FRY: variants seen among roughly 807,000 people sequenced by gnomAD.
FRY encodes FRY microtubule binding protein, also known as protein furry homolog.
A neutral mutation model predicts 348.4 loss-of-function variants in FRY; 128 were observed. The observed-to-expected ratio is 0.37, with a 90% confidence interval of 0.32 to 0.43. The LOEUF (loss-of-function observed/expected upper bound fraction) is 0.43. Ranked by LOEUF, FRY falls within the 20% of genes least tolerant of loss-of-function variation. FRY has a pLI of 1.00. For synonymous variants in FRY, 1,370 were observed against 1,374.7 expected (o/e 1.00, Z 0.08); for missense variants, 2,736 against 3,695.2 (o/e 0.74, Z 6.73).
At chr13:32,257,167 A>G (rs557600200) in intron 51 of FRY, among the ~76,000 whole-genome samples, 1 of 152,340 alleles carries the variant, frequency 6.6e-6, no homozygotes, top group South Asian at 2.1e-4. Flanking sequence ...TGAATAAGGC[A>G]TACTCAACCT....
intron 1 of FRY, among the ~76,000 whole-genome samples, chr13:32,049,378 T>C (rs547420720): frequency 2.0e-5 from 3 of 152,220 alleles, no homozygotes; most frequent in Non-Finnish European, 2.9e-5. Context: ...ACAGGGAGCA[T>C]GGAAGGATCT....
rs1209023511 is a variant in FRY, at chr13:32,298,862, C to A, written c.*3402C>A. ...CGTTCAGAGAGGACAGCCAAAAGCTCTGTGGGCCACGGCAGGACTTTGTCC... is the reference window on the plus strand; with the variant it reads ...CGTTCAGAGAGGACAGCCAAAAGCTATGTGGGCCACGGCAGGACTTTGTCC... On this transcript the variant is annotated 3_prime_UTR_variant, in exon 61 of 61. Coordinates refer to ENST00000542859, the MANE Select transcript of FRY (RefSeq NM_023037.3). 6.6e-6 allele frequency: 1 copy of A among 152,266 alleles called. No individual in the cohort carries two copies. Among genetic ancestry groups the A allele is most frequent in the Non-Finnish European group, 1.5e-5 (1 of 68,058 alleles). 9.4% of individuals were successfully genotyped at this position (152,266 alleles called of 1,614,324 possible). A position where few individuals can be genotyped will look rare whatever the true frequency, so the allele number is the denominator to read the frequency against.
intron 29 of FRY, among the ~76,000 whole-genome samples, chr13:32,196,277 C>T (rs1039496983): frequency 3.3e-5 from 5 of 152,114 alleles, no homozygotes; most frequent in African/African-American, 1.2e-4. Flanking sequence ...ATAATGATCT[C>T]CTCCTTTTCA....
chr13:32,078,810 A>G, intron 1 of FRY, 24 bp from the exon 2 acceptor site: 1 of 1,571,532 alleles, frequency 6.4e-7, no homozygotes, highest in Non-Finnish European at 8.8e-7. Context: ...ATCAGCCAGT[A>G]AGAATGCCCA....
At chr13:32,136,384 G>A (rs577718827) in intron 10 of FRY, among the ~76,000 whole-genome samples, 3 of 152,208 alleles carry the variant, frequency 2.0e-5, no homozygotes, top group East Asian at 3.9e-4. Context: ...CTTCTTTTAG[G>A]AATCTTCCTT....
At chr13:32,188,428 C>A (rs1575522) in intron 28 of FRY, among the ~76,000 whole-genome samples, 1 of 151,836 alleles carries the variant, frequency 6.6e-6, no homozygotes, top group South Asian at 2.1e-4. Flanking sequence ...CCTAATGATT[C>A]CCCATCAAAA....
At chr13:32,150,924 T>G (rs1004950230) in intron 14 of FRY, among the ~76,000 whole-genome samples, 4 of 152,218 alleles carry the variant, frequency 2.6e-5, no homozygotes, top group Admixed American at 6.5e-5. Context: ...AATGGGAGTT[T>G]CTGTCTGGTG....
At chr13:32,043,894 C>G (rs1872878008) in intron 1 of FRY, among the ~76,000 whole-genome samples, 1 of 152,106 alleles carries the variant, frequency 6.6e-6, no homozygotes. Context: ...ATCACTTGAG[C>G]CCCTTAAGAT....
intron 17 of FRY, among the ~76,000 whole-genome samples, chr13:32,164,663 T>C (rs908701438): frequency 2.6e-5 from 4 of 152,212 alleles, no homozygotes; most frequent in African/African-American, 9.6e-5. Flanking sequence ...CCATGGAAGC[T>C]TCACAGGCCC....
intron 3 of FRY, among the ~76,000 whole-genome samples, chr13:32,106,940 T>C (rs1232204191): frequency 6.6e-6 from 1 of 152,250 alleles, no homozygotes; most frequent in Non-Finnish European, 1.5e-5. Flanking sequence ...TGAACTTAAA[T>C]ATACATATAT....
chr13:32,170,877 C>A, intron 17 of FRY, 135 bp from the exon 18 acceptor site: 1 of 720,014 alleles, frequency 1.4e-6, no homozygotes. Flanking sequence ...AAGTCATTTA[C>A]TAAGCAAAAA....
chr13:32,216,731 C>A (rs960483962), intron 35 of FRY, among the ~76,000 whole-genome samples: 1 of 152,152 alleles, frequency 6.6e-6, no homozygotes, highest in Non-Finnish European at 1.5e-5. Context: ...ATAAGTTTGT[C>A]CTTTTTCCAG....
At chr13:32,054,603 G>C (rs1240306210) in intron 1 of FRY, among the ~76,000 whole-genome samples, 2 of 152,160 alleles carry the variant, frequency 1.3e-5, no homozygotes, top group Non-Finnish European at 2.9e-5. Flanking sequence ...GCTGGGCGCA[G>C]TGACTCACAC....
intron 16 of FRY, among the ~76,000 whole-genome samples, chr13:32,157,949 A>G (rs905910630): frequency 2.0e-5 from 3 of 152,228 alleles, no homozygotes; most frequent in Non-Finnish European, 2.9e-5. Context: ...ACTAGGATTA[A>G]GTTATAATTC....
chr13:32,246,558 G>C (rs1218208120), intron 47 of FRY, among the ~76,000 whole-genome samples: 1 of 152,246 alleles, frequency 6.6e-6, no homozygotes, highest in African/African-American at 2.4e-5. Context: ...CATGCTCAAA[G>C]AGTGTGGACT....
chr13:32,190,221 C>G (rs1318340115), intron 28 of FRY, among the ~76,000 whole-genome samples: 1 of 151,292 alleles, frequency 6.6e-6, no homozygotes, highest in Non-Finnish European at 1.5e-5. Flanking sequence ...ATGTAAACAT[C>G]ATATTTAATA....
chr13:32,091,791 C>T (rs1876329758), intron 2 of FRY, among the ~76,000 whole-genome samples: 1 of 152,100 alleles, frequency 6.6e-6, no homozygotes, highest in Non-Finnish European at 1.5e-5. Context: ...ATATCAAAAC[C>T]CTCAACTGAT....
intron 11 of FRY, among the ~76,000 whole-genome samples, chr13:32,146,324 G>GTTTGTT (rs1385761092): frequency 6.6e-6 from 1 of 152,078 alleles, no homozygotes; most frequent in East Asian, 1.9e-4. Flanking sequence ...TGTTGTTGTT[G>GTTTGTT]TTTGTTTTTG....
chr13:32,171,304 C>CTTTTTTTTTTTTTTTT, intron 18 of FRY, 34 bp downstream of exon 18: 1 of 531,606 alleles, frequency 1.9e-6, no homozygotes, highest in East Asian at 5.1e-5. Flanking sequence ...AATTTATATT[C>CTTTTTTTTTTTTTTTT]TTTTTTTTTT....
Sources: gnomAD v4.1 joint callset for allele counts (sites outside exome capture counted in the v4.1 genomes callset) on GRCh38, gnomAD v4.1.1 for gene constraint, MANE v1.5 for transcripts, NCBI Gene and HGNC (gene_info 2026-07-23, HGNC 2026-07-21) for gene names.